MELTF: variants seen among roughly 807,000 people sequenced by gnomAD.
The protein encoded by MELTF is melanotransferrin.
A neutral mutation model predicts 83.7 loss-of-function variants in MELTF; 67 were observed. The observed-to-expected ratio is 0.80, with a 90% confidence interval of 0.66 to 0.98. The LOEUF is 0.98. Ranked by LOEUF, MELTF falls within the 50% of genes least tolerant of loss-of-function variation. The probability of loss-of-function intolerance (pLI) is 0.00; values close to 1 mark genes in which losing one functional copy is unlikely to be tolerated. For synonymous variants in MELTF, 462 were observed against 447.6 expected (o/e 1.03, Z -0.41); for missense variants, 1,002 against 1,035.6 (o/e 0.97, Z 0.44).
chr3:197,016,459 C>T (rs1208801918), intron 7 of MELTF, 90 bp from the exon 8 acceptor site: 14 of 1,247,308 alleles, frequency 1.1e-5, no homozygotes, highest in South Asian at 3.6e-5. Flanking sequence ...CCTTCTTCCC[C>T]GACCTCAGAC....
At position 197,018,147 on chromosome 3, in the gene MELTF, AC is replaced by A. The variant is rs889167995; in HGVS notation, c.713-858del. Among the ~76,000 whole-genome samples, 5 of 151,374 alleles carry A rather than the reference AC, an allele frequency of 3.3e-5. 1 individual carries two copies. The highest frequency in any genetic ancestry group is 4.2e-4 in the South Asian group (2 of 4,780). ...ATTTTATTTCCTGTCTTTTGACCTC[AC>A]CCCCCCTTTTTCTTTTTGAGACGGA... On this transcript the variant is annotated intron_variant, in intron 6 of 15. Coordinates refer to ENST00000296350, the MANE Select transcript of MELTF (RefSeq NM_005929.6).
chr3:197,003,173 G>T lies in MELTF; in HGVS notation c.*199C>A, dbSNP rs1395235322. 1.9e-5 allele frequency: 9 copies of T among 468,942 alleles called. No homozygotes were observed. Among genetic ancestry groups the T allele is most frequent in the Non-Finnish European group, 2.3e-5 (8 of 355,542 alleles). The allele number at this position is 468,942 out of a possible 1,614,324, so 29.0% of individuals were successfully genotyped here. On this transcript the variant is annotated 3_prime_UTR_variant, in exon 16 of 16. Coordinates refer to ENST00000296350, the MANE Select transcript of MELTF (RefSeq NM_005929.6). This position sits in a 1 kb window ranked among gnomAD's most constrained non-coding sequence, Gnocchi z 6.2. ...GGTGGCGGGAGGCGGCGGTTGGCGG[G>T]AAGGGCCGCGCGGGCCCGGGGGCGG...
chr3:197,027,120 T>C (rs1477986993), intron 2 of MELTF: 1 of 267,368 alleles, frequency 3.7e-6, no homozygotes, highest in African/African-American at 2.2e-5. Flanking sequence ...TAGCTTTTTT[T>C]CTCTAAGGTG....
rs148616625 is a variant in MELTF, at chr3:197,006,725, C to G, written c.1762G>C (p.Glu588Gln). ...VFDNTNGHNS[E>Q]PWAAELRSED... ...GACCTGAGCTCAGCAGCCCAGGGCTCGGAATTGTGGCCTGAGGGGGGTAAA... is the reference window on the plus strand; with the variant it reads ...GACCTGAGCTCAGCAGCCCAGGGCTGGGAATTGTGGCCTGAGGGGGGTAAA... Residue 588 changes from glutamate to glutamine, a missense_variant, in exon 14 of 16, where the codon GAG (glutamate) becomes CAG (glutamine). Glu to Gln is a conservative substitution (Grantham distance 29). Transcript: ENST00000296350. This position sits in a 1 kb window ranked among gnomAD's most constrained non-coding sequence, Gnocchi z 5.4. 99 of 1,531,220 alleles carry G rather than the reference C, an allele frequency of 6.5e-5. No homozygotes were observed. The highest frequency in any genetic ancestry group is 8.4e-5 in the Non-Finnish European group (96 of 1,141,306). The allele number at this position is 1,531,220 out of a possible 1,614,324, so 94.9% of individuals were successfully genotyped here. A position where few individuals can be genotyped will look rare whatever the true frequency, so the allele number is the denominator to read the frequency against.
chr3:197,017,831 C>T (rs1471420033), intron 6 of MELTF, among the ~76,000 whole-genome samples: 2 of 152,240 alleles, frequency 1.3e-5, no homozygotes, highest in Middle Eastern at 3.4e-3. Context: ...GAGCCGAGAT[C>T]ACGCCACTGC....
chr3:197,004,970 G>A (rs1718924773), intron 14 of MELTF, among the ~76,000 whole-genome samples: 1 of 152,190 alleles, frequency 6.6e-6, no homozygotes, highest in African/African-American at 2.4e-5. Flanking sequence ...AGCACTCCTG[G>A]GATAGAGGGG....
intron 6 of MELTF, chr3:197,019,204 T>G: frequency 1.0e-6 from 1 of 1,003,302 alleles, no homozygotes; most frequent in Non-Finnish European, 1.2e-6. Context: ...CCAACTTTCC[T>G]GTTTTTCGGC....
chr3:197,019,703 C>T (rs907877398), intron 6 of MELTF: 17 of 1,613,890 alleles, frequency 1.1e-5, no homozygotes, highest in Admixed American at 3.3e-5. Flanking sequence ...CAGGCTTGCC[C>T]AGCACTAGAG....
Position 197,027,739 on chromosome 3 carries a change from G to C in MELTF, c.204+17C>G. On this transcript the variant is annotated intron_variant, in intron 2 of 15. Coordinates refer to ENST00000296350, the MANE Select transcript of MELTF (RefSeq NM_005929.6). ...CACAGCCCTCTTGTCTGGCAGGGTG[G>C]AAGGGAGAGGACTCACCGCGATGAG... 1.3e-6 allele frequency: 2 copies of C among 1,594,616 alleles called. No homozygotes were observed. The highest frequency in any genetic ancestry group is 1.7e-6 in the Non-Finnish European group (2 of 1,166,734).
chr3:197,023,889 A>C (rs565762796), intron 4 of MELTF: 67 of 461,700 alleles, frequency 1.5e-4, no homozygotes, highest in African/African-American at 1.2e-3. Context: ...TTCTGGGTGC[A>C]AGTCGGCACC....
chr3:197,014,259 C>T, intron 9 of MELTF, among the ~76,000 whole-genome samples: 1 of 151,848 alleles, frequency 6.6e-6, no homozygotes, highest in East Asian at 1.9e-4. Context: ...CCAGGCACAG[C>T]AAGTTAAACA....
rs745379113 is a variant in MELTF at position 197,009,712 on chromosome 3, G to A, written c.1431C>T (p.His477=). ...LDELRGKRSC[H]AGFGSPAGWD... ...AGCCTGCAGGGCTGCCGAAACCGGC[G>A]TGGCAGGAGCGCTTGCCCCGAAGCT... The change falls in exon 11 of 16, where the codon CAC becomes CAT. Residue 477 remains histidine, a synonymous_variant. Coordinates refer to ENST00000296350, the MANE Select transcript of MELTF (RefSeq NM_005929.6). 3.0e-5 allele frequency: 49 copies of A among 1,613,568 alleles called. No individual in the cohort carries two copies. Among genetic ancestry groups the A allele is most frequent in the African/African-American group, 2.4e-4 (18 of 74,952 alleles).
rs187877074 is a variant in MELTF at position 197,022,338 on chromosome 3, G to A, written c.644+619C>T. Among the ~76,000 whole-genome samples, 18 of 152,294 alleles carry A rather than the reference G, an allele frequency of 1.2e-4. No homozygotes were observed. Among genetic ancestry groups the A allele is most frequent in the African/African-American group, 4.1e-4 (17 of 41,548 alleles). Reference sequence around the variant, plus strand: ...GGGAGTGGAGGGGCAAGGCTGTCCCGCTCAGGGGTGCTGAGGACTGTTTCT... The same window carrying A: ...GGGAGTGGAGGGGCAAGGCTGTCCCACTCAGGGGTGCTGAGGACTGTTTCT... On this transcript the variant is annotated intron_variant, in intron 5 of 15. Transcript: ENST00000296350. The surrounding 1 kb of genome is among the most constrained non-coding windows in gnomAD (Gnocchi z 5.1).
At chr3:197,020,808 T>C (rs888314456) in intron 6 of MELTF, among the ~76,000 whole-genome samples, 1 of 152,012 alleles carries the variant, frequency 6.6e-6, no homozygotes, top group Non-Finnish European at 1.5e-5. Flanking sequence ...AGCTGGGATT[T>C]GAGGCACCCA....
At chr3:197,015,101 C>T (rs1461436138) in intron 9 of MELTF, among the ~76,000 whole-genome samples, 1 of 152,210 alleles carries the variant, frequency 6.6e-6, no homozygotes, top group Non-Finnish European at 1.5e-5. Flanking sequence ...TAGTGAGGAG[C>T]TCCCAGGCTC....
rs756649207 is a variant in MELTF at position 197,007,480 on chromosome 3, C to T, written c.1751-744G>A. Among the ~76,000 whole-genome samples, 24 of 152,198 alleles carry T rather than the reference C, an allele frequency of 1.6e-4. No individual in the cohort carries two copies. Among genetic ancestry groups the T allele is most frequent in the Admixed American group, 3.3e-4 (5 of 15,290 alleles). Reference sequence around the variant, plus strand: ...AAGGGAAAGGAGTGGCCCTGGGAGGCGGGTGACTCACTGCAAGTGAACCTC... The same window carrying T: ...AAGGGAAAGGAGTGGCCCTGGGAGGTGGGTGACTCACTGCAAGTGAACCTC... On this transcript the variant is annotated intron_variant, in intron 13 of 15. Transcript: ENST00000296350. This position sits in a 1 kb window ranked among gnomAD's most constrained non-coding sequence, Gnocchi z 4.3.
Position 197,006,868 on chromosome 3 carries a change from C to T in MELTF, c.1751-132G>A. ...AACATCTGGCCAGCTCCCCAACCCT[C>T]TCCATTCTCCACGTGCTCTGCTGTG... is the stretch of plus-strand genomic sequence containing the variant. On this transcript the variant is annotated intron_variant, in intron 13 of 15. Coordinates refer to ENST00000296350, the MANE Select transcript of MELTF (RefSeq NM_005929.6). This position sits in a 1 kb window ranked among gnomAD's most constrained non-coding sequence, Gnocchi z 5.4. 3.9e-6 allele frequency: 3 copies of T among 766,954 alleles called. No homozygotes were observed. Among genetic ancestry groups the T allele is most frequent in the Non-Finnish European group, 5.7e-6 (3 of 523,678 alleles). The allele number at this position is 766,954 out of a possible 1,614,324, so 47.5% of individuals were successfully genotyped here.
rs1163495878 is a variant in MELTF, at chr3:197,026,986, A to G, written c.205-227T>C. ...GTTAAAAAAAAAATACTAATCATTG[A>G]TTTTGCAGGACTCAGATATCATAGT... On this transcript the variant is annotated intron_variant, in intron 2 of 15. Coordinates refer to ENST00000296350, the MANE Select transcript of MELTF (RefSeq NM_005929.6). 1.5e-5 allele frequency: 8 copies of G among 543,482 alleles called. No individual in the cohort carries two copies. The South Asian group carries it at 1.9e-4, about 13-fold the overall frequency. The allele number at this position is 543,482 out of a possible 1,614,324, so 33.7% of individuals were successfully genotyped here. A position where few individuals can be genotyped will look rare whatever the true frequency, so the allele number is the denominator to read the frequency against.
chr3:197,004,250 T>G, intron 14 of MELTF, 151 bp from the exon 15 acceptor site: 2 of 755,838 alleles, frequency 2.6e-6, no homozygotes, highest in Admixed American at 4.3e-5. Flanking sequence ...GTCATAAGCT[T>G]GACAACTGAT....
Sources: gnomAD v4.1 joint callset for allele counts (sites outside exome capture counted in the v4.1 genomes callset) on GRCh38, gnomAD v4.1.1 for gene constraint, Gnocchi (gnomAD v3.1) non-coding constraint, MANE v1.5 for transcripts, NCBI Gene and HGNC (gene_info 2026-07-23, HGNC 2026-07-21) for gene names.